The following MRAP2 variants were observed in gnomAD, a reference collection of about 807,000 sequenced individuals.
MRAP2 encodes the protein melanocortin-2 receptor accessory protein 2.
MRAP2 carries 20 observed loss-of-function variants against 17.4 expected under a neutral mutation model. That is an observed-to-expected ratio of 1.15 (90% CI 0.81 to 1.67). The LOEUF (loss-of-function observed/expected upper bound fraction) is 1.67, where lower values mean the gene tolerates loss of function less well. MRAP2 is among the 40% of genes most tolerant of loss of function. MRAP2 has a pLI of 0.00. For synonymous variants in MRAP2, 96 were observed against 88.4 expected (o/e 1.09, Z -0.48); for missense variants, 238 against 240.0 (o/e 0.99, Z 0.05).
intron 2 of MRAP2, among the ~76,000 whole-genome samples, chr6:84,057,784 G>C (rs535794970): frequency 6.6e-6 from 1 of 152,292 alleles, no homozygotes; most frequent in African/African-American, 2.4e-5. Flanking sequence ...AATGTCAGAT[G>C]GCAATATAAA....
At chr6:84,137,095 G>C in the MRAP2 span, among the ~76,000 whole-genome samples, 14 of 152,186 alleles carry the variant, frequency 9.2e-5, no homozygotes, top group South Asian at 2.1e-4. Context: ...GGGAATAAGA[G>C]TCATACCTGG....
the MRAP2 span, among the ~76,000 whole-genome samples, chr6:84,119,614 T>G: frequency 6.6e-6 from 1 of 152,216 alleles, no homozygotes; most frequent in Non-Finnish European, 1.5e-5. Flanking sequence ...CCACCAACAT[T>G]AGGGATAACC....
chr6:84,109,096 C>T, the MRAP2 span, among the ~76,000 whole-genome samples: 8 of 151,982 alleles, frequency 5.3e-5, no homozygotes, highest in South Asian at 2.1e-4. Flanking sequence ...AGTTTGAAGG[C>T]GGGTAGTGTG....
chr6:84,133,861 T>A, the MRAP2 span, among the ~76,000 whole-genome samples: 1 of 152,018 alleles, frequency 6.6e-6, no homozygotes, highest in African/African-American at 2.4e-5. Flanking sequence ...CCTTGGGCTG[T>A]ACCCACTGTC....
At chr6:84,100,684 A>G in the MRAP2 span, among the ~76,000 whole-genome samples, 21 of 152,210 alleles carry the variant, frequency 1.4e-4, no homozygotes, top group Admixed American at 9.8e-4. Context: ...CCCTGGAGAA[A>G]GAAATTTCTA....
intron 1 of MRAP2, among the ~76,000 whole-genome samples, chr6:84,050,295 CCAT>C (rs1329277538): frequency 6.6e-6 from 1 of 152,108 alleles, no homozygotes; most frequent in Non-Finnish European, 1.5e-5. Flanking sequence ...GAGAATAACA[CCAT>C]GTTACTGTTT....
At chr6:84,042,452 A>G (rs112009288) in intron 1 of MRAP2, among the ~76,000 whole-genome samples, 41 of 152,306 alleles carry the variant, frequency 2.7e-4, no homozygotes, top group African/African-American at 8.7e-4. Flanking sequence ...TGGTTCTTAC[A>G]GTTTACTCTG....
At chr6:84,035,547 A>G (rs2099485747) in intron 1 of MRAP2, 2 of 425,666 alleles carry the variant, frequency 4.7e-6, no homozygotes, top group Non-Finnish European at 6.3e-6. Context: ...CAAGAGAAAG[A>G]AAGATAAGAT....
At chr6:84,138,895 C>G in the MRAP2 span, among the ~76,000 whole-genome samples, 5 of 152,160 alleles carry the variant, frequency 3.3e-5, no homozygotes, top group African/African-American at 9.7e-5. Context: ...GCTGAACTAG[C>G]CTTTCAACTA....
At chr6:84,126,485 C>T in the MRAP2 span, 7 of 1,556,924 alleles carry the variant, frequency 4.5e-6, no homozygotes, top group East Asian at 1.6e-4. Context: ...TCTTTGGCTT[C>T]TCTCAATTCT....
chr6:84,036,165 TC>T (rs2099485918), intron 1 of MRAP2, among the ~76,000 whole-genome samples: 1 of 152,064 alleles, frequency 6.6e-6, no homozygotes, highest in East Asian at 1.9e-4. Flanking sequence ...TGGCTTTTTT[TC>T]CTAAATGAAA....
chr6:84,045,290 T>C (rs1588623670), intron 1 of MRAP2: 1 of 985,230 alleles, frequency 1.0e-6, no homozygotes, highest in Non-Finnish European at 1.2e-6. Context: ...TTGGTGGAGC[T>C]GTCAGGTACA....
chr6:84,133,201 T>C, the MRAP2 span, among the ~76,000 whole-genome samples: 2 of 152,194 alleles, frequency 1.3e-5, no homozygotes, highest in Admixed American at 1.3e-4. Context: ...CAAATGTTGC[T>C]GCCTGATCCT....
the MRAP2 span, among the ~76,000 whole-genome samples, chr6:84,103,198 A>G: frequency 3.3e-5 from 5 of 152,204 alleles, no homozygotes; most frequent in Non-Finnish European, 7.3e-5. Flanking sequence ...TTCATGAGCA[A>G]GGAAAGAGGA....
At chr6:84,078,417 T>C (rs577562653) in intron 3 of MRAP2, among the ~76,000 whole-genome samples, 1 of 152,290 alleles carries the variant, frequency 6.6e-6, no homozygotes, top group African/African-American at 2.4e-5. Flanking sequence ...AAATGCACAT[T>C]AAAGTCACAG....
the MRAP2 span, among the ~76,000 whole-genome samples, chr6:84,132,267 CTTTAACA>C: frequency 2.6e-5 from 4 of 152,180 alleles, no homozygotes; most frequent in African/African-American, 9.7e-5. Flanking sequence ...TTCTGGCTGC[CTTTAACA>C]TTTTTTTCCT....
At chr6:84,043,675 G>A (rs2099488238) in intron 1 of MRAP2, among the ~76,000 whole-genome samples, 1 of 150,506 alleles carries the variant, frequency 6.6e-6, no homozygotes, top group African/African-American at 2.4e-5. Flanking sequence ...TGTGGGGTGA[G>A]TGGGTGGGTG....
At chr6:84,055,512 G>A in intron 2 of MRAP2, 67 bp downstream of exon 2, 2 of 1,486,296 alleles carry the variant, frequency 1.3e-6, no homozygotes, top group Non-Finnish European at 1.8e-6. Context: ...AATCCCCAAG[G>A]ATTACTTCTC....
At chr6:84,084,902 TA>T (rs2099499936) in intron 3 of MRAP2, among the ~76,000 whole-genome samples, 1 of 112,738 alleles carries the variant, frequency 8.9e-6, no homozygotes, top group Non-Finnish European at 1.8e-5. Context: ...TATTTTATTT[TA>T]TTTTATTTTA....
Sources: gnomAD v4.1 joint callset for allele counts (sites outside exome capture counted in the v4.1 genomes callset) on GRCh38, gnomAD v4.1.1 for gene constraint, MANE v1.5 for transcripts, NCBI Gene and HGNC (gene_info 2026-07-23, HGNC 2026-07-21) for gene names.